ERC2: variants seen among roughly 807,000 people sequenced by gnomAD.
ERC2 encodes ELKS/RAB6-interacting/CAST family member 2.
ERC2 carries 42 observed loss-of-function variants against 114.8 expected under a neutral mutation model. That is an observed-to-expected ratio of 0.37 (90% CI 0.29 to 0.47). The LOEUF is 0.47. Among genes scored for constraint, ERC2 ranks in the 20% least tolerant of loss-of-function variants. The probability of loss-of-function intolerance (pLI) is 0.99; values close to 1 mark genes in which losing one functional copy is unlikely to be tolerated. For missense variants in ERC2, 939 were observed against 1,150.7 expected, an observed-to-expected ratio of 0.82 and a Z score of 2.66; for synonymous variants, 454 against 425.5, an observed-to-expected ratio of 1.07 and a Z score of -0.82.
chr3:55,985,713 T>C (rs1392388868), intron 12 of ERC2, among the ~76,000 whole-genome samples: 4 of 152,210 alleles, frequency 2.6e-5, no homozygotes, highest in Non-Finnish European at 4.4e-5. Context: ...GGAGTTATCA[T>C]GAAAATTTCT....
At chr3:56,059,379 G>A (rs544940702) in intron 7 of ERC2, among the ~76,000 whole-genome samples, 3 of 152,076 alleles carry the variant, frequency 2.0e-5, no homozygotes, top group Non-Finnish European at 2.9e-5. Flanking sequence ...ATGAGCCACC[G>A]TGCCCGGCCA....
intron 14 of ERC2, among the ~76,000 whole-genome samples, chr3:55,802,045 G>A (rs1435836895): frequency 3.9e-5 from 6 of 152,170 alleles, no homozygotes; most frequent in African/African-American, 1.4e-4. Context: ...AGAATACAGG[G>A]AAAAAGAAAA....
chr3:55,768,694 T>A (rs1206149603), intron 14 of ERC2, among the ~76,000 whole-genome samples: 2 of 152,086 alleles, frequency 1.3e-5, no homozygotes, highest in Non-Finnish European at 2.9e-5. Context: ...GTGTAAACGC[T>A]GTGAGGCAAG....
chr3:56,215,101 G>C (rs1274893373), intron 3 of ERC2, among the ~76,000 whole-genome samples: 9 of 151,988 alleles, frequency 5.9e-5, no homozygotes, highest in Non-Finnish European at 1.3e-4. Flanking sequence ...GCAAAATAAC[G>C]AGCTAACATC....
chr3:56,407,427 A>C (rs576985243), intron 2 of ERC2, among the ~76,000 whole-genome samples: 13 of 152,282 alleles, frequency 8.5e-5, no homozygotes, highest in African/African-American at 2.9e-4. Flanking sequence ...CTTCAGAACC[A>C]CAGAGGGTAT....
At chr3:56,285,866 A>AAGG (rs1426142901) in intron 3 of ERC2, among the ~76,000 whole-genome samples, 3 of 152,158 alleles carry the variant, frequency 2.0e-5, no homozygotes, top group Non-Finnish European at 1.5e-5. Flanking sequence ...TTAAAAAGAG[A>AAGG]AGGAGGAGGA....
chr3:55,582,526 T>G (rs2057313877), intron 17 of ERC2, among the ~76,000 whole-genome samples: 1 of 152,264 alleles, frequency 6.6e-6, no homozygotes, highest in Admixed American at 6.5e-5. Flanking sequence ...AATCTTCTTT[T>G]TTAAATGAAT....
At chr3:55,813,543 T>G (rs1367735096) in intron 14 of ERC2, among the ~76,000 whole-genome samples, 1 of 152,202 alleles carries the variant, frequency 6.6e-6, no homozygotes, top group African/African-American at 2.4e-5. Context: ...TTACAGAATC[T>G]GTGCTCAGGA....
At chr3:56,387,318 C>A (rs375444672) in intron 2 of ERC2, among the ~76,000 whole-genome samples, 1 of 152,124 alleles carries the variant, frequency 6.6e-6, no homozygotes, top group East Asian at 1.9e-4. Context: ...TCAGTTTGGT[C>A]TCTGTCTAAT....
intron 5 of ERC2, among the ~76,000 whole-genome samples, chr3:56,144,046 T>G (rs1336284028): frequency 6.6e-6 from 1 of 152,178 alleles, no homozygotes; most frequent in African/African-American, 2.4e-5. Context: ...TCTAAAGGAT[T>G]GGTAGTGGCT....
At chr3:55,565,964 C>T (rs1460941076) in intron 17 of ERC2, among the ~76,000 whole-genome samples, 1 of 152,174 alleles carries the variant, frequency 6.6e-6, no homozygotes, top group Non-Finnish European at 1.5e-5. Flanking sequence ...ATTTCTTCTT[C>T]CTTATATCTC....
intron 17 of ERC2, among the ~76,000 whole-genome samples, chr3:55,674,361 T>C (rs572566742): frequency 1.3e-5 from 2 of 152,286 alleles, no homozygotes; most frequent in African/African-American, 4.8e-5. Flanking sequence ...AGTACATATT[T>C]ACAAGACCAT....
At chr3:55,842,800 T>C (rs55883734) in intron 14 of ERC2, among the ~76,000 whole-genome samples, 27,236 of 151,910 alleles carry the variant, frequency 0.18, 3,589 homozygotes, top group African/African-American at 0.37. Flanking sequence ...TTTCTTGGTT[T>C]TAACCAAGAA....
Position 56,159,055 on chromosome 3 carries a change from C to A in ERC2, c.1150-9923G>T, listed in dbSNP as rs2081902911. Among the ~76,000 whole-genome samples the A allele has an allele frequency of 2.6e-5, 4 of 152,224 alleles. No individual in the cohort carries two copies. In the East Asian group the frequency reaches 7.7e-4, roughly 29 times the overall value. On this transcript the variant is annotated intron_variant, in intron 4 of 17. Transcript: ENST00000288221. ...GTCCTCACAATAGTGAGTGAATTCT[C>A]ATGAGATCGAGTCATTTAAAAGTGT...
chr3:55,715,434 T>C (rs2064060041), intron 15 of ERC2, among the ~76,000 whole-genome samples: 1 of 152,292 alleles, frequency 6.6e-6, no homozygotes, highest in Non-Finnish European at 1.5e-5. Flanking sequence ...CAACAATGTA[T>C]AGGCTAAAGT....
chr3:55,943,279 T>C (rs2066919273), intron 13 of ERC2, among the ~76,000 whole-genome samples: 1 of 152,220 alleles, frequency 6.6e-6, no homozygotes, highest in Non-Finnish European at 1.5e-5. Flanking sequence ...TTGCTTTCAA[T>C]GTTTGGGTTC....
intron 13 of ERC2, among the ~76,000 whole-genome samples, chr3:55,910,101 A>G (rs543889305): frequency 6.6e-6 from 1 of 152,276 alleles, no homozygotes; most frequent in African/African-American, 2.4e-5. Context: ...ATTTTAAGAA[A>G]ACATTGGGCT....
rs1186921049 is a variant in ERC2 at position 55,510,223 on chromosome 3, T to TTCCAAA, written c.*1092_*1093insTTTGGA. 6.6e-6 allele frequency: 1 copy of TTCCAAA among 151,588 alleles called. No homozygotes were observed. Among genetic ancestry groups the TTCCAAA allele is most frequent in the Non-Finnish European group, 1.5e-5 (1 of 67,954 alleles). 9.4% of individuals were successfully genotyped at this position (151,588 alleles called of 1,614,324 possible). ...CATTCATCAATGTTTTCATGTTTGATGCTGAAAATGCTTTGGAATCCATGT... is the reference window on the plus strand; with the variant it reads ...CATTCATCAATGTTTTCATGTTTGATTCCAAAGCTGAAAATGCTTTGGAATCCATGT... On this transcript the variant is annotated 3_prime_UTR_variant, in exon 18 of 18. Coordinates refer to ENST00000288221, the MANE Select transcript of ERC2 (RefSeq NM_015576.3).
chr3:56,211,103 A>T (rs2049031893), intron 3 of ERC2, among the ~76,000 whole-genome samples: 1 of 152,176 alleles, frequency 6.6e-6, no homozygotes, highest in Non-Finnish European at 1.5e-5. Flanking sequence ...CAGCCAGAGC[A>T]ATCATACAAG....
Sources: gnomAD v4.1 joint callset for allele counts (sites outside exome capture counted in the v4.1 genomes callset) on GRCh38, gnomAD v4.1.1 for gene constraint, MANE v1.5 for transcripts, NCBI Gene and HGNC (gene_info 2026-07-23, HGNC 2026-07-21) for gene names.